The following AFF2 variants were observed in gnomAD, a reference collection of about 807,000 sequenced individuals.
AFF2 encodes ALF transcription elongation factor 2.
Under a neutral mutation model 76.9 loss-of-function variants are expected in AFF2, and 14 were observed. The ratio of observed to expected loss-of-function variants is 0.18; its 90% CI spans 0.12 to 0.28. The LOEUF (loss-of-function observed/expected upper bound fraction) is 0.28. AFF2 is among the 10% of genes least tolerant of loss of function. The pLI is 1.00. For missense variants in AFF2, 868 were observed against 1,001.1 expected (o/e 0.87, Z 1.79); for synonymous variants, 398 against 366.7 (o/e 1.09, Z -0.98).
At chrX:148,601,079 C>G (rs782179297) in intron 1 of AFF2, among the ~76,000 whole-genome samples, 2 of 112,543 alleles carry the variant, frequency 1.8e-5, no homozygotes, top group African/African-American at 3.2e-5. Flanking sequence ...ATTCTGAGAG[C>G]GTTTCTTTTA....
At chrX:148,518,565 C>T (rs1603228569) in intron 1 of AFF2, among the ~76,000 whole-genome samples, 2 of 112,246 alleles carry the variant, frequency 1.8e-5, no homozygotes, top group African/African-American at 3.2e-5. Context: ...GGTCACTTTC[C>T]GCTTGAGTGG....
At chrX:148,519,795 T>C (rs1221858224) in intron 1 of AFF2, among the ~76,000 whole-genome samples, 2 of 111,784 alleles carry the variant, frequency 1.8e-5, no homozygotes, top group African/African-American at 6.5e-5. Context: ...TTAAGATATG[T>C]GGTCCTAATA....
intron 3 of AFF2, among the ~76,000 whole-genome samples, chrX:148,701,621 T>G (rs2054801360): frequency 8.9e-6 from 1 of 112,502 alleles, no homozygotes; most frequent in Non-Finnish European, 1.9e-5. Flanking sequence ...AGAATAGCAC[T>G]ATTTTCCTGA....
At chrX:148,898,724 T>G (rs1557280583) in intron 8 of AFF2, among the ~76,000 whole-genome samples, 1 of 111,846 alleles carries the variant, frequency 8.9e-6, no homozygotes, top group African/African-American at 3.2e-5. Flanking sequence ...TGGCACATTT[T>G]CATGCCCAGA....
In AFF2 at chrX:148,824,775, C is replaced by G. The variant is rs782437344; in HGVS notation, c.1087-12872C>G. ...TATAAGTTGGGTTCTGTGGTTCATG[C>G]CTGTAATCCCAGCACTTTGGGAGGC... On this transcript the variant is annotated intron_variant, in intron 4 of 20. Coordinates refer to ENST00000370460, the MANE Select transcript of AFF2 (RefSeq NM_002025.4). Among the ~76,000 whole-genome samples, 103 of 111,756 alleles carry G rather than the reference C, an allele frequency of 9.2e-4. 1 individual carries two copies. Among genetic ancestry groups the G allele is most frequent in the African/African-American group, 3.2e-3 (98 of 30,712 alleles).
intron 1 of AFF2, among the ~76,000 whole-genome samples, chrX:148,513,848 C>T (rs2052508309): frequency 1.8e-5 from 2 of 110,304 alleles, no homozygotes; most frequent in Admixed American, 9.7e-5. Flanking sequence ...TGCTGGGCCT[C>T]GGTTTTCTTA....
chrX:148,918,427 T>A (rs1251270786), intron 9 of AFF2, among the ~76,000 whole-genome samples: 1 of 111,940 alleles, frequency 8.9e-6, no homozygotes, highest in Non-Finnish European at 1.9e-5. Flanking sequence ...GGAGGGTAGA[T>A]TGATAGGAGA....
chrX:148,870,075 A>T, intron 7 of AFF2, among the ~76,000 whole-genome samples: 1 of 110,942 alleles, frequency 9.0e-6, no homozygotes, highest in Non-Finnish European at 1.9e-5. Context: ...CCCTTTTCTG[A>T]ATGGCAGCAA....
chrX:148,698,530 A>T (rs1557261522), intron 3 of AFF2, among the ~76,000 whole-genome samples: 1 of 112,626 alleles, frequency 8.9e-6, no homozygotes, highest in Non-Finnish European at 1.9e-5. Context: ...GAAGGTGATA[A>T]GACCTAAATA....
chrX:148,814,515 T>G (rs1344861537), intron 4 of AFF2, among the ~76,000 whole-genome samples: 1 of 112,142 alleles, frequency 8.9e-6, no homozygotes, highest in Non-Finnish European at 1.9e-5. Context: ...GGCAAACATC[T>G]GTAAGGGTAA....
At chrX:148,551,185 C>T (rs782806342) in intron 1 of AFF2, among the ~76,000 whole-genome samples, 3 of 109,972 alleles carry the variant, frequency 2.7e-5, no homozygotes, top group Non-Finnish European at 5.7e-5. Flanking sequence ...AACAACATGG[C>T]TCCCCTACAC....
chrX:148,688,717 C>T (rs868971905), intron 3 of AFF2, among the ~76,000 whole-genome samples: 4 of 110,913 alleles, frequency 3.6e-5, no homozygotes, highest in Non-Finnish European at 7.5e-5. Flanking sequence ...TGATGGAGTG[C>T]ACTTACACAA....
chrX:148,750,014 C>T (rs2055477582), intron 3 of AFF2, among the ~76,000 whole-genome samples: 1 of 108,762 alleles, frequency 9.2e-6, no homozygotes, highest in Admixed American at 9.9e-5. Flanking sequence ...GTTGCCCAGG[C>T]TGGAGTGCAA....
intron 7 of AFF2, among the ~76,000 whole-genome samples, chrX:148,844,551 A>G (rs1315607719): frequency 1.8e-5 from 2 of 112,163 alleles, no homozygotes; most frequent in Non-Finnish European, 1.9e-5. Context: ...AGAAAATGGA[A>G]GTCGATTTTT....
intron 1 of AFF2, among the ~76,000 whole-genome samples, chrX:148,506,613 A>C (rs1425828664): frequency 6.3e-5 from 7 of 111,028 alleles, no homozygotes; most frequent in African/African-American, 2.3e-4. Flanking sequence ...ACAAATCTCA[A>C]GTCCTTGAGA....
At chrX:148,706,679 G>C (rs782562423) in intron 3 of AFF2, among the ~76,000 whole-genome samples, 1 of 112,547 alleles carries the variant, frequency 8.9e-6, no homozygotes, top group South Asian at 3.7e-4. Context: ...AAATGAAAGA[G>C]AGATCACTTG....
chrX:148,708,573 C>G lies in AFF2; in HGVS notation c.1041+45805C>G, dbSNP rs186556734. Among the ~76,000 whole-genome samples the G allele has an allele frequency of 5.1e-3, 566 of 111,863 alleles. 4 individuals carry two copies. Among genetic ancestry groups the G allele is most frequent in the African/African-American group, 0.018 (556 of 30,790 alleles). On this transcript the variant is annotated intron_variant, in intron 3 of 20. Transcript: ENST00000370460. ...CACTTCAGGTCAAGATTTCATGGGTCAACTTGTTTGTTTAAATGTAGTCCC... is the reference window on the plus strand; with the variant it reads ...CACTTCAGGTCAAGATTTCATGGGTGAACTTGTTTGTTTAAATGTAGTCCC...
intron 4 of AFF2, among the ~76,000 whole-genome samples, chrX:148,826,498 G>A (rs2070390294): frequency 9.0e-6 from 1 of 111,257 alleles, no homozygotes; most frequent in African/African-American, 3.3e-5. Context: ...AGCTTATGCT[G>A]GCAAGTGGCT....
intron 1 of AFF2, among the ~76,000 whole-genome samples, chrX:148,635,548 C>T (rs1393928020): frequency 8.1e-5 from 9 of 111,758 alleles, no homozygotes; most frequent in Admixed American, 4.8e-4. Flanking sequence ...TGATGTAATA[C>T]CTGTCCCTAG....
Sources: gnomAD v4.1 joint callset for allele counts (sites outside exome capture counted in the v4.1 genomes callset) on GRCh38, gnomAD v4.1.1 for gene constraint, MANE v1.5 for transcripts, NCBI Gene and HGNC (gene_info 2026-07-23, HGNC 2026-07-21) for gene names.